The following CDKAL1 variants were observed in gnomAD, a reference collection of about 807,000 sequenced individuals.
CDKAL1 encodes the protein threonylcarbamoyladenosine tRNA methylthiotransferase.
Under a neutral mutation model 68.2 loss-of-function variants are expected in CDKAL1, and 32 were observed. The ratio of observed to expected loss-of-function variants is 0.47; its 90% confidence interval spans 0.35 to 0.63. The LOEUF (loss-of-function observed/expected upper bound fraction) is 0.63, where lower values mean the gene tolerates loss of function less well. Among genes scored for constraint, CDKAL1 ranks in the 30% least tolerant of loss-of-function variants. The pLI is 0.00. For missense variants in CDKAL1, 606 were observed against 696.7 expected, an observed-to-expected ratio of 0.87 and a Z score of 1.47; for synonymous variants, 234 against 244.3, an observed-to-expected ratio of 0.96 and a Z score of 0.39.
At chr6:21,207,176 G>T (rs1778972782) in intron 15 of CDKAL1, among the ~76,000 whole-genome samples, 1 of 151,622 alleles carries the variant, frequency 6.6e-6, no homozygotes, top group South Asian at 2.1e-4. Context: ...GCCTTCCAAA[G>T]TGCAGGGATT....
chr6:20,613,174 G>A (rs548492931), intron 4 of CDKAL1, among the ~76,000 whole-genome samples: 71 of 147,720 alleles, frequency 4.8e-4, no homozygotes, highest in African/African-American at 1.6e-3. Context: ...TAACTATTTA[G>A]GTTGTTGCAG....
intron 13 of CDKAL1, among the ~76,000 whole-genome samples, chr6:21,122,277 T>C (rs979880863): frequency 1.3e-5 from 2 of 152,248 alleles, no homozygotes; most frequent in Admixed American, 1.3e-4. Flanking sequence ...ACTATTGTTA[T>C]TCAGTATGTA....
intron 13 of CDKAL1, among the ~76,000 whole-genome samples, chr6:21,163,321 C>T (rs955398680): frequency 6.6e-6 from 1 of 152,132 alleles, no homozygotes; most frequent in African/African-American, 2.4e-5. Flanking sequence ...GATGCAGAGG[C>T]CTCACATACA....
chr6:20,889,982 G>A (rs1761303881), intron 9 of CDKAL1, among the ~76,000 whole-genome samples: 1 of 152,036 alleles, frequency 6.6e-6, no homozygotes. Context: ...TCACACCCCT[G>A]GGCTCTAGTG....
intron 4 of CDKAL1, among the ~76,000 whole-genome samples, chr6:20,577,270 A>G (rs1764953654): frequency 6.6e-6 from 1 of 152,222 alleles, no homozygotes; most frequent in African/African-American, 2.4e-5. Flanking sequence ...GACCAGTTAT[A>G]TATCACCTAC....
At chr6:21,222,205 G>A (rs751538979) in intron 15 of CDKAL1, among the ~76,000 whole-genome samples, 5 of 152,192 alleles carry the variant, frequency 3.3e-5, no homozygotes, top group Non-Finnish European at 7.3e-5. Context: ...GCATGTGTAT[G>A]TATGTGTGTG....
intron 9 of CDKAL1, among the ~76,000 whole-genome samples, chr6:20,924,479 A>G (rs937656585): frequency 1.3e-5 from 2 of 152,004 alleles, no homozygotes; most frequent in African/African-American, 4.8e-5. Context: ...ATTGAGGGAA[A>G]TTAAAAGTGC....
At chr6:20,645,991 CCTT>C (rs749859817) in intron 4 of CDKAL1, among the ~76,000 whole-genome samples, 2 of 150,746 alleles carry the variant, frequency 1.3e-5, no homozygotes, top group Admixed American at 6.6e-5. Flanking sequence ...CAATGCCTTA[CCTT>C]CTTCTGGAAT....
intron 10 of CDKAL1, among the ~76,000 whole-genome samples, chr6:20,976,865 G>A (rs1040765125): frequency 5.3e-5 from 8 of 152,170 alleles, no homozygotes; most frequent in Admixed American, 3.9e-4. Flanking sequence ...GCTGTGAAGT[G>A]TTGTTTTATA....
intron 13 of CDKAL1, among the ~76,000 whole-genome samples, chr6:21,123,289 T>A (rs1774822360): frequency 6.6e-6 from 1 of 152,026 alleles, no homozygotes; most frequent in Admixed American, 6.5e-5. Flanking sequence ...ACCCCATCTC[T>A]ACAAAAAATA....
intron 9 of CDKAL1, among the ~76,000 whole-genome samples, chr6:20,863,806 A>C (rs1353227292): frequency 6.6e-6 from 1 of 152,262 alleles, no homozygotes; most frequent in Non-Finnish European, 1.5e-5. Flanking sequence ...AATCATTTAT[A>C]TATGAAATGT....
At chr6:20,732,263 C>CTTTTTTTT (rs56911987) in intron 5 of CDKAL1, among the ~76,000 whole-genome samples, 193 of 83,464 alleles carry the variant, frequency 2.3e-3, no homozygotes, top group African/African-American at 3.4e-3. Context: ...TTCTTTCTTT[C>CTTTTTTTT]TTTTTTTTTT....
At position 20,824,310 on chromosome 6, in the gene CDKAL1, G is replaced by A. The variant is rs150003393; in HGVS notation, c.639-21765G>A. The stretch of plus-strand genomic sequence containing the variant: ...TAGTTATCTATTGCTGTATAACTGC[G>A]AACGTTGCTGCTTAAAACAGCACAC... On this transcript the variant is annotated intron_variant, in intron 8 of 15. Coordinates refer to ENST00000274695, the MANE Select transcript of CDKAL1 (RefSeq NM_017774.3). 3.3e-3 allele frequency among the ~76,000 whole-genome samples: 495 copies of A among 152,200 alleles called. 3 individuals are homozygous for A. The highest frequency in any genetic ancestry group is 0.011 in the African/African-American group (461 of 41,542).
In CDKAL1 at chr6:20,814,152, A is replaced by G. The variant is rs887721392; in HGVS notation, c.639-31923A>G. Among the ~76,000 whole-genome samples the G allele has an allele frequency of 5.3e-5, 8 of 151,876 alleles. No individual in the cohort carries two copies. In the South Asian group the frequency reaches 6.2e-4, roughly 12 times the overall value. On this transcript the variant is annotated intron_variant, in intron 8 of 15. Coordinates refer to ENST00000274695, the MANE Select transcript of CDKAL1 (RefSeq NM_017774.3). Reference sequence around the variant, plus strand: ...GTCTTGCATATCTTTTGTCAAGTTTACTCTTAACTATTTCATATTTTGTCA... The same window carrying G: ...GTCTTGCATATCTTTTGTCAAGTTTGCTCTTAACTATTTCATATTTTGTCA...
chr6:20,609,165 G>C (rs1766462388), intron 4 of CDKAL1, among the ~76,000 whole-genome samples: 1 of 152,142 alleles, frequency 6.6e-6, no homozygotes, highest in African/African-American at 2.4e-5. Context: ...TGTGCTGGCA[G>C]CAAGTATGTA....
chr6:21,158,198 A>G (rs1367928840), intron 13 of CDKAL1, among the ~76,000 whole-genome samples: 3 of 152,170 alleles, frequency 2.0e-5, no homozygotes, highest in Admixed American at 6.5e-5. Flanking sequence ...ACTGGTTTCA[A>G]TTTACACAAG....
At chr6:21,199,292 A>C (rs1211791859) in intron 14 of CDKAL1, among the ~76,000 whole-genome samples, 1 of 152,186 alleles carries the variant, frequency 6.6e-6, no homozygotes, top group Admixed American at 6.5e-5. Context: ...GTGCGTCCCC[A>C]GGAAACAGGG....
intron 7 of CDKAL1, among the ~76,000 whole-genome samples, chr6:20,768,462 C>T (rs1206531492): frequency 6.6e-6 from 1 of 152,138 alleles, no homozygotes; most frequent in Admixed American, 6.5e-5. Flanking sequence ...TTCTATATGC[C>T]AGATTTTACT....
At chr6:20,883,524 C>T (rs1760923868) in intron 9 of CDKAL1, among the ~76,000 whole-genome samples, 1 of 152,196 alleles carries the variant, frequency 6.6e-6, no homozygotes, top group African/African-American at 2.4e-5. Context: ...TCTAGAATGA[C>T]TGCGCAACCG....
Sources: gnomAD v4.1 joint callset for allele counts (sites outside exome capture counted in the v4.1 genomes callset) on GRCh38, gnomAD v4.1.1 for gene constraint, MANE v1.5 for transcripts, NCBI Gene and HGNC (gene_info 2026-07-23, HGNC 2026-07-21) for gene names.